Variants in TSEN15 observed in about 807,000 individuals in gnomAD.
TSEN15 encodes the protein tRNA splicing endonuclease subunit 15.
In TSEN15, 10 loss-of-function variants were observed where a neutral mutation model predicts 20.5. That is an observed-to-expected ratio of 0.49 (90% CI 0.30 to 0.83). TSEN15 has a LOEUF of 0.83. Ranked by LOEUF, TSEN15 falls within the 40% of genes least tolerant of loss-of-function variation. The pLI, the probability that TSEN15 is intolerant of heterozygous loss-of-function variation, is 0.06. For missense variants in TSEN15, 180 were observed against 218.6 expected, an observed-to-expected ratio of 0.82 and a Z score of 1.11; for synonymous variants, 72 against 80.1, an observed-to-expected ratio of 0.90 and a Z score of 0.54.
chr1:184,054,924 A>G (rs1650192724), intron 3 of TSEN15, 61 bp downstream of exon 3: 5 of 1,536,486 alleles, frequency 3.3e-6, no homozygotes, highest in South Asian at 1.2e-5. Flanking sequence ...AACATTAAAC[A>G]TAGTGATGTA....
intron 3 of TSEN15, among the ~76,000 whole-genome samples, chr1:184,061,965 G>T (rs184982412): frequency 6.6e-6 from 1 of 152,172 alleles, no homozygotes; most frequent in Non-Finnish European, 1.5e-5. Context: ...TATATGATAT[G>T]TGATCACAGT....
At position 184,069,235 on chromosome 1, in the gene TSEN15, C is replaced by T. The variant is rs533550475; in HGVS notation, c.354-2922C>T. On this transcript the variant is annotated intron_variant, in intron 3 of 4. Coordinates refer to ENST00000645668, the MANE Select transcript of TSEN15 (RefSeq NM_052965.4). The stretch of plus-strand genomic sequence containing the variant: ...CTGTTGTGAGCATCAAATTTTGTTG[C>T]TGTTATTAAATAGCTATTATTATTG... Among the ~76,000 whole-genome samples, 4 of 152,124 alleles carry T rather than the reference C, an allele frequency of 2.6e-5. No individual in the cohort carries two copies. The East Asian group carries it at 5.8e-4, about 22-fold the overall frequency.
intron 3 of TSEN15, among the ~76,000 whole-genome samples, chr1:184,079,753 A>G (rs1171796058): frequency 3.0e-4 from 45 of 152,106 alleles, no homozygotes; most frequent in Non-Finnish European, 1.0e-4. Flanking sequence ...TAGGATTTCA[A>G]TATATGAATT....
rs1212196951 is a variant in TSEN15, at chr1:184,073,104, T to C, written c.*257T>C. On this transcript the variant is annotated 3_prime_UTR_variant, in exon 5 of 5. Coordinates refer to ENST00000645668, the MANE Select transcript of TSEN15 (RefSeq NM_052965.4). ...TTACAGTTATATACAGGTTTATGCC[T>C]AGGATGTATTCAGATGGGTGGGACC... 1 of 428,212 alleles carries C rather than the reference T, an allele frequency of 2.3e-6. No individual in the cohort carries two copies. The highest frequency in any genetic ancestry group is 4.1e-6 in the Non-Finnish European group (1 of 243,782). The allele number at this position is 428,212 out of a possible 1,614,324, so 26.5% of individuals were successfully genotyped here. A position where few individuals can be genotyped will look rare whatever the true frequency, so the allele number is the denominator to read the frequency against.
rs1003361943 is a variant in TSEN15 at position 184,091,665 on chromosome 1, C to G, written c.354-4025C>G. On this transcript the variant is annotated intron_variant, in intron 3 of 3. Coordinates refer to the TSEN15 transcript ENST00000643231. ...AAAGGACAGGACTTCCCTACTGTCT[C>G]TTTCCATTTCTGTTGGCTGGAAGCA... 2.0e-5 allele frequency among the ~76,000 whole-genome samples: 3 copies of G among 152,060 alleles called. No individual in the cohort carries two copies. The South Asian group carries it at 6.2e-4, about 32-fold the overall frequency.
rs141738741 is a variant in TSEN15, at chr1:184,065,466, A to G, written c.354-6691A>G. Among the ~76,000 whole-genome samples the G allele has an allele frequency of 1.4e-3, 210 of 152,310 alleles. 3 individuals carry two copies. Among genetic ancestry groups the G allele is most frequent in the African/African-American group, 4.7e-3 (197 of 41,570 alleles). On this transcript the variant is annotated intron_variant, in intron 3 of 4. Coordinates refer to ENST00000645668, the MANE Select transcript of TSEN15 (RefSeq NM_052965.4). Reference sequence around the variant, plus strand: ...CATAATGTCATGTATTCATCATCACATACAGAATAGTTTCAGTGCCATAAA... The same window carrying G: ...CATAATGTCATGTATTCATCATCACGTACAGAATAGTTTCAGTGCCATAAA...
At chr1:184,067,941 A>AATATATATATAT (rs58463457) in intron 3 of TSEN15, among the ~76,000 whole-genome samples, 2 of 95,602 alleles carry the variant, frequency 2.1e-5, no homozygotes, top group Non-Finnish European at 3.9e-5. Flanking sequence ...AAAAAAAAAA[A>AATATATATATAT]ATATATATAT....
chr1:184,073,162 T>C lies in TSEN15; in HGVS notation c.*315T>C. ...TGCTTTTGTCATCCCACACTCAAAG[T>C]TGTCTCTTTGTTTCTTGCTGCCACT... On this transcript the variant is annotated 3_prime_UTR_variant, in exon 5 of 5. Transcript: ENST00000645668. The C allele has an allele frequency of 3.9e-6, 1 of 257,278 alleles. No homozygotes were observed. The highest frequency in any genetic ancestry group is 7.6e-5 in the East Asian group (1 of 13,152). 15.9% of individuals were successfully genotyped at this position (257,278 alleles called of 1,614,324 possible).
intron 3 of TSEN15, among the ~76,000 whole-genome samples, chr1:184,066,859 C>T (rs550487519): frequency 5.3e-5 from 8 of 152,286 alleles, no homozygotes; most frequent in Admixed American, 4.6e-4. Context: ...AATGGGATTG[C>T]ACTTGTAGAT....
chr1:184,054,036 C>T (rs775594014), intron 1 of TSEN15, among the ~76,000 whole-genome samples: 11 of 152,206 alleles, frequency 7.2e-5, no homozygotes, highest in Non-Finnish European at 1.5e-4. Flanking sequence ...TATCCCATCC[C>T]ACCTCTGCTA....
At chr1:184,076,665 GA>G (rs1421649865), downstream of TSEN15, among the ~76,000 whole-genome samples, 1 of 152,132 alleles carries the variant, frequency 6.6e-6, no homozygotes, top group East Asian at 1.9e-4. Context: ...GAATGCAAAT[GA>G]AAAGTTATGG....
At chr1:184,083,923 C>T (rs1557889915) in intron 3 of TSEN15, among the ~76,000 whole-genome samples, 1 of 152,142 alleles carries the variant, frequency 6.6e-6, no homozygotes, top group Non-Finnish European at 1.5e-5. Context: ...TCCACCTCTA[C>T]CCCTGTTAAA....
intron 3 of TSEN15, among the ~76,000 whole-genome samples, chr1:184,088,585 A>ATTT (rs199533895): frequency 1.6e-5 from 2 of 121,238 alleles, no homozygotes; most frequent in African/African-American, 5.9e-5. Context: ...TGTTTTTTGT[A>ATTT]TTTTTTTTTT....
intron 3 of TSEN15, among the ~76,000 whole-genome samples, chr1:184,087,295 A>G (rs1651278669): frequency 6.6e-6 from 1 of 152,030 alleles, no homozygotes; most frequent in Non-Finnish European, 1.5e-5. Flanking sequence ...GATATTTTAG[A>G]CTCTTTTTTC....
chr1:184,087,032 T>C (rs1262339909), intron 3 of TSEN15, among the ~76,000 whole-genome samples: 1 of 152,142 alleles, frequency 6.6e-6, no homozygotes, highest in Non-Finnish European at 1.5e-5. Context: ...TATAAAATTC[T>C]AGATACTATG....
At chr1:184,076,795 C>G (rs965069074), downstream of TSEN15, among the ~76,000 whole-genome samples, 2 of 152,102 alleles carry the variant, frequency 1.3e-5, no homozygotes, top group Admixed American at 1.3e-4. Context: ...TACAACATTC[C>G]CTTAAGCCAA....
At chr1:184,072,442 G>A (rs544059998) in intron 4 of TSEN15, 144 bp downstream of exon 4, 10 of 781,930 alleles carry the variant, frequency 1.3e-5, no homozygotes, top group South Asian at 7.6e-5. Context: ...ATTTTCAGAC[G>A]TCAGAAAATT....
intron 1 of TSEN15, among the ~76,000 whole-genome samples, chr1:184,052,460 C>G (rs553158249): frequency 2.0e-5 from 3 of 152,080 alleles, no homozygotes; most frequent in African/African-American, 7.2e-5. Context: ...CAGGCGAGAT[C>G]AAGATAGTCC....
downstream of TSEN15, among the ~76,000 whole-genome samples, chr1:184,076,567 C>G (rs1050169176): frequency 1.3e-5 from 2 of 152,066 alleles, no homozygotes; most frequent in Non-Finnish European, 2.9e-5. Flanking sequence ...AAATCAAAAG[C>G]TAGAAACGAT....
Sources: allele counts gnomAD v4.1 joint callset (sites outside exome capture counted in the v4.1 genomes callset), GRCh38; gene constraint gnomAD v4.1.1; transcripts MANE v1.5; gene names NCBI Gene and HGNC (gene_info 2026-07-23, HGNC 2026-07-21).